The following TBC1D9B variants were observed in gnomAD, a reference collection of about 807,000 sequenced individuals.
TBC1D9B encodes the protein TBC1 domain family member 9B, also known as TBC1 domain family, member 9B (with GRAM domain).
Under a neutral mutation model 121.1 loss-of-function variants are expected in TBC1D9B, and 87 were observed. The ratio of observed to expected loss-of-function variants is 0.72; its 90% confidence interval spans 0.60 to 0.86. The LOEUF (loss-of-function observed/expected upper bound fraction) is 0.86, where lower values mean the gene tolerates loss of function less well. TBC1D9B is among the 40% of genes least tolerant of loss of function. The probability of loss-of-function intolerance (pLI) is 0.00; values close to 1 mark genes in which losing one functional copy is unlikely to be tolerated. For missense variants in TBC1D9B, 1,540 were observed against 1,628.6 expected (o/e 0.95, Z 0.94); for synonymous variants, 668 against 670.1 (o/e 1.00, Z 0.05).
At chr5:179,876,494 C>T (rs1190861046) in intron 10 of TBC1D9B, among the ~76,000 whole-genome samples, 2 of 152,192 alleles carry the variant, frequency 1.3e-5, no homozygotes, top group South Asian at 2.1e-4. Context: ...GCCACCCACT[C>T]GGTGCACAAC....
chr5:179,881,656 G>C (rs1760542640), intron 7 of TBC1D9B, among the ~76,000 whole-genome samples: 1 of 152,172 alleles, frequency 6.6e-6, no homozygotes, highest in African/African-American at 2.4e-5. Flanking sequence ...AAAATTTCTT[G>C]AAAGAGATGC....
In TBC1D9B at chr5:179,907,874, C is replaced by T; in HGVS notation, c.-53G>A. Reference sequence around the variant, plus strand: ...CCCGCGAGACGGAAGCGCCCGCCGCCGTCGGCGTCCCGGAGCGGAGCGTGC... The same window carrying T: ...CCCGCGAGACGGAAGCGCCCGCCGCTGTCGGCGTCCCGGAGCGGAGCGTGC... On this transcript the variant is annotated 5_prime_UTR_variant, in exon 1 of 21. Transcript: ENST00000355235. The surrounding 1 kb of genome is among the most constrained non-coding windows in gnomAD (Gnocchi z 5.3). 7 of 980,234 alleles carry T rather than the reference C, an allele frequency of 7.1e-6. No homozygotes were observed. Among genetic ancestry groups the T allele is most frequent in the Non-Finnish European group, 8.6e-6 (7 of 817,244 alleles). The allele number at this position is 980,234 out of a possible 1,614,324, so 60.7% of individuals were successfully genotyped here.
intron 3 of TBC1D9B, 120 bp from the exon 4 acceptor site, chr5:179,894,734 A>T: frequency 1.1e-6 from 1 of 892,800 alleles, no homozygotes; most frequent in Non-Finnish European, 1.7e-6. Context: ...CTACAGGCAC[A>T]GCTGGGAACA....
At chr5:179,905,598 G>A (rs564526539) in intron 1 of TBC1D9B, among the ~76,000 whole-genome samples, 27 of 152,312 alleles carry the variant, frequency 1.8e-4, no homozygotes, top group Non-Finnish European at 8.8e-5. Context: ...GCAGTCTGTG[G>A]CAACGCTATC....
intron 15 of TBC1D9B, 62 bp from the exon 16 acceptor site, chr5:179,870,557 A>G: frequency 6.6e-7 from 1 of 1,523,274 alleles, no homozygotes; most frequent in Non-Finnish European, 8.8e-7. Flanking sequence ...GGGGACCCCT[A>G]GGCTGGTGGT....
intron 7 of TBC1D9B, 179 bp downstream of exon 7, chr5:179,887,924 G>A: frequency 1.4e-6 from 1 of 732,794 alleles, no homozygotes; most frequent in Non-Finnish European, 2.3e-6. Context: ...CAGAGAGGCT[G>A]TGATGTTGCT....
chr5:179,891,676 G>T lies in TBC1D9B; in HGVS notation c.837-90C>A. The T allele has an allele frequency of 7.0e-7, 1 of 1,423,784 alleles. No individual in the cohort carries two copies. The highest frequency in any genetic ancestry group is 9.7e-7 in the Non-Finnish European group (1 of 1,035,170). The allele number at this position is 1,423,784 out of a possible 1,614,324, so 88.2% of individuals were successfully genotyped here. A position where few individuals can be genotyped will look rare whatever the true frequency, so the allele number is the denominator to read the frequency against. ...GAAGCCTTGGGGCCTCCCCAGGCCT[G>T]TTTCCACATCAGATTCAGGATCCCT... On this transcript the variant is annotated intron_variant, in intron 5 of 20. Transcript: ENST00000355235. The surrounding 1 kb of genome is among the most constrained non-coding windows in gnomAD (Gnocchi z 4.3).
In TBC1D9B at chr5:179,874,917, A is replaced by T; in HGVS notation, c.2171T>A (p.Met724Lys). The change falls in exon 12 of 21, where the codon ATG becomes AAG. Residue 724 changes from methionine to lysine, a missense_variant. Physicochemically the swap from Met to Lys is moderately conservative, Grantham distance 95. Transcript: ENST00000355235. This position sits in a 1 kb window ranked among gnomAD's most constrained non-coding sequence, Gnocchi z 4.3. ...GGCATGTCACCTGCCCAGCATGGTC[A>T]TGGCCTCGCCCTCGTCGCTGCAGCC... ...LLGCSDEGEA[M>K]TMLGRYLDNV... 1 of 1,613,346 alleles carries T rather than the reference A, an allele frequency of 6.2e-7. No individual in the cohort carries two copies. The highest frequency in any genetic ancestry group is 1.1e-5 in the South Asian group (1 of 91,074).
Position 179,904,229 on chromosome 5 carries a change from T to C in TBC1D9B, c.229+473A>G, listed in dbSNP as rs958457248. On this transcript the variant is annotated intron_variant, in intron 2 of 20. Coordinates refer to ENST00000355235, the MANE Select transcript of TBC1D9B (RefSeq NM_015043.4). This position sits in a 1 kb window ranked among gnomAD's most constrained non-coding sequence, Gnocchi z 4.2. ...TGACCAGTGGAGCTGCCTTTTTTTT[T>C]TTTTTTTTTTTTTGAGACGGAATCT... 3.8e-4 allele frequency among the ~76,000 whole-genome samples: 55 copies of C among 145,082 alleles called. No homozygotes were observed. Among genetic ancestry groups the C allele is most frequent in the African/African-American group, 1.3e-3 (48 of 38,304 alleles).
intron 5 of TBC1D9B, 52 bp downstream of exon 5, chr5:179,893,157 G>A (rs1196744395): frequency 1.3e-6 from 2 of 1,546,514 alleles, no homozygotes; most frequent in East Asian, 2.3e-5. Context: ...CCCAGCCAAG[G>A]TCAGCGAACC....
In TBC1D9B at chr5:179,875,415, T is replaced by C. The variant is rs994034675; in HGVS notation, c.1901-228A>G. On this transcript the variant is annotated intron_variant, in intron 11 of 20. Transcript: ENST00000355235. This position sits in a 1 kb window ranked among gnomAD's most constrained non-coding sequence, Gnocchi z 4.5. The stretch of plus-strand genomic sequence containing the variant: ...TATTTCTTCTACTACACTTGAATTT[T>C]ATTTTGGGGAAATACTGATTTCTCC... 6.6e-6 allele frequency among the ~76,000 whole-genome samples: 1 copy of C among 152,240 alleles called. No individual in the cohort carries two copies. Among genetic ancestry groups the C allele is most frequent in the East Asian group, 1.9e-4 (1 of 5,198 alleles).
chr5:179,889,690 G>A (rs1190826717), intron 6 of TBC1D9B, among the ~76,000 whole-genome samples: 1 of 151,926 alleles, frequency 6.6e-6, no homozygotes, highest in Non-Finnish European at 1.5e-5. Flanking sequence ...TGGGCAACAT[G>A]ATGAATCCCT....
intron 3 of TBC1D9B, among the ~76,000 whole-genome samples, chr5:179,896,699 T>C (rs1426192791): frequency 6.6e-6 from 1 of 151,724 alleles, no homozygotes. Flanking sequence ...ATTTTTTATA[T>C]TTTTAGTAGA....
chr5:179,877,439 G>C (rs905719025), intron 10 of TBC1D9B, among the ~76,000 whole-genome samples: 1 of 151,818 alleles, frequency 6.6e-6, no homozygotes, highest in Non-Finnish European at 1.5e-5. Context: ...AAGGCAGGTG[G>C]ATTACCTGAT....
rs201951759 is a variant in TBC1D9B at position 179,899,279 on chromosome 5, G to A, written c.258C>T (p.His86=). ...GCAAGTTATTTTCCAGCCATTCCCA[G>A]TGTTTTGTGATCTCTTTGCGGGAAG... ...CGSSRKEITK[H]WEWLENNLLQ... The change falls in exon 3 of 21, where the codon CAC becomes CAT. Residue 86 remains histidine (H), a synonymous_variant. Transcript: ENST00000355235. 12 of 1,614,028 alleles carry A rather than the reference G, an allele frequency of 7.4e-6. No individual in the cohort carries two copies. In the African/African-American group the frequency reaches 1.5e-4, roughly 20 times the overall value.
intron 14 of TBC1D9B, 167 bp from the exon 15 acceptor site, chr5:179,871,697 C>T (rs992111038): frequency 1.6e-6 from 1 of 632,124 alleles, no homozygotes; most frequent in Middle Eastern, 4.4e-4. Context: ...AGGCCCACAG[C>T]CCATCCCTGG....
rs1462613724 is a variant in TBC1D9B, at chr5:179,874,875, A to C, written c.2186+27T>G. ...GTGAGGGGTTCTGCTGTGAGCCCCCAGCAGGAGAAGGAACCCGGCATGTCA... is the reference window on the plus strand; with the variant it reads ...GTGAGGGGTTCTGCTGTGAGCCCCCCGCAGGAGAAGGAACCCGGCATGTCA... On this transcript the variant is annotated intron_variant, in intron 12 of 20. Transcript: ENST00000355235. This position sits in a 1 kb window ranked among gnomAD's most constrained non-coding sequence, Gnocchi z 4.3. The C allele has an allele frequency of 1.9e-6, 3 of 1,607,898 alleles. No individual in the cohort carries two copies. In the South Asian group the frequency reaches 3.3e-5, roughly 18 times the overall value.
At chr5:179,879,226 G>C (rs1321475902) in intron 8 of TBC1D9B, 29 bp from the exon 9 acceptor site, 5 of 1,589,002 alleles carry the variant, frequency 3.1e-6, no homozygotes, top group Middle Eastern at 1.7e-4. Flanking sequence ...AGGGAGCCTG[G>C]GGGCCGAAGC....
chr5:179,870,824 A>C, intron 15 of TBC1D9B: 1 of 327,104 alleles, frequency 3.1e-6, no homozygotes, highest in Non-Finnish European at 5.7e-6. Context: ...CGCTCCTATG[A>C]CCTCTCTAGG....
Sources: gnomAD v4.1 joint callset for allele counts (sites outside exome capture counted in the v4.1 genomes callset) on GRCh38, gnomAD v4.1.1 for gene constraint, Gnocchi (gnomAD v3.1) non-coding constraint, MANE v1.5 for transcripts, NCBI Gene and HGNC (gene_info 2026-07-23, HGNC 2026-07-21) for gene names.